Variants in FBH1 observed in about 807,000 individuals in gnomAD.
FBH1 encodes DNA 3'-5' helicase 1.
Under a neutral mutation model 115.5 loss-of-function variants are expected in FBH1, and 43 were observed. The ratio of observed to expected loss-of-function variants is 0.37; its 90% CI spans 0.29 to 0.48. FBH1 has a LOEUF of 0.48. Ranked by LOEUF, FBH1 falls within the 20% of genes least tolerant of loss-of-function variation. The probability of loss-of-function intolerance (pLI) is 0.99; values close to 1 mark genes in which losing one functional copy is unlikely to be tolerated. For missense variants in FBH1, 1,001 were observed against 1,337.3 expected, an observed-to-expected ratio of 0.75 and a Z score of 3.92; for synonymous variants, 524 against 507.8, an observed-to-expected ratio of 1.03 and a Z score of -0.43.
intron 1 of FBH1, among the ~76,000 whole-genome samples, chr10:5,901,650 C>T (rs542417342): frequency 1.5e-4 from 22 of 151,350 alleles, no homozygotes; most frequent in East Asian, 3.9e-4. Flanking sequence ...CTACAACCTC[C>T]GCCTCCCGGG....
Position 5,894,184 on chromosome 10 carries a change from T to C in FBH1, c.1+3838T>C, listed in dbSNP as rs868264643. 10 of 985,324 alleles carry C rather than the reference T, an allele frequency of 1.0e-5. No individual in the cohort carries two copies. The African/African-American group carries it at 1.7e-4, about 17-fold the overall frequency. 61.0% of individuals were successfully genotyped at this position (985,324 alleles called of 1,614,324 possible). ...CCTGGGAAAGGAGCTGGAGCTCTAT[T>C]TTGCTTGCTTTCTGCATTCGTTTCT... On this transcript the variant is annotated intron_variant, in intron 1 of 20. Coordinates refer to ENST00000362091, the MANE Select transcript of FBH1 (RefSeq NM_178150.3).
In FBH1 at chr10:5,909,600, A is replaced by G. The variant is rs593610; in HGVS notation, c.1020+306A>G. 0.38 allele frequency: 116,275 copies of G among 309,214 alleles called. 25,395 individuals are homozygous for G. Among genetic ancestry groups the G allele is most frequent in the East Asian group, 0.73 (12,375 of 17,038 alleles). The allele number at this position is 309,214 out of a possible 1,614,324, so 19.2% of individuals were successfully genotyped here. ...CTAGCCTCTGAACACTTTTAATAAT[A>G]GGATTTCTTTACAAGACAGCCCACC... is the stretch of plus-strand genomic sequence containing the variant. On this transcript the variant is annotated intron_variant, in intron 5 of 20. Coordinates refer to ENST00000362091, the MANE Select transcript of FBH1 (RefSeq NM_178150.3). The surrounding 1 kb of genome is among the most constrained non-coding windows in gnomAD (Gnocchi z 4.4).
At position 5,936,294 on chromosome 10, in the gene FBH1, G is replaced by GAA; in HGVS notation, c.2830-159_2830-158dup. On this transcript the variant is annotated intron_variant, in intron 19 of 20. Coordinates refer to ENST00000362091, the MANE Select transcript of FBH1 (RefSeq NM_178150.3). This position sits in a 1 kb window ranked among gnomAD's most constrained non-coding sequence, Gnocchi z 5.6. Reference sequence around the variant, plus strand: ...GACTGTCGATAGCTTTGGAGGCAGGGAAAAGTTAGAGGAAGTAAGGGAGAA... The same window carrying GAA: ...GACTGTCGATAGCTTTGGAGGCAGGGAAAAAAGTTAGAGGAAGTAAGGGAGAA... 1 of 651,442 alleles carries GAA rather than the reference G, an allele frequency of 1.5e-6. No individual in the cohort carries two copies. Among genetic ancestry groups the GAA allele is most frequent in the Non-Finnish European group, 2.5e-6 (1 of 395,994 alleles). 40.4% of individuals were successfully genotyped at this position (651,442 alleles called of 1,614,324 possible).
rs1297487556 is a variant in FBH1 at position 5,897,834 on chromosome 10, CA to C, written c.2-5183del. On this transcript the variant is annotated intron_variant, in intron 1 of 20. Coordinates refer to ENST00000362091, the MANE Select transcript of FBH1 (RefSeq NM_178150.3). This position sits in a 1 kb window ranked among gnomAD's most constrained non-coding sequence, Gnocchi z 4.7. ...CTCCTGTGTCTTTGTTAGATTTCTG[CA>C]AACACTTAATCTTCGCAACAAGCAT... 6.6e-6 allele frequency among the ~76,000 whole-genome samples: 1 copy of C among 152,352 alleles called. No homozygotes were observed. Among genetic ancestry groups the C allele is most frequent in the Admixed American group, 6.5e-5 (1 of 15,308 alleles).
rs1315450412 is a variant in FBH1, at chr10:5,915,767, A to T, written c.1565+196A>T. On this transcript the variant is annotated intron_variant, in intron 9 of 20. Transcript: ENST00000362091. This position sits in a 1 kb window ranked among gnomAD's most constrained non-coding sequence, Gnocchi z 5.2. ...TATCCTGTAGCAACATATTGTTTAC[A>T]TATAATGCCGTCTTGCCAAGAGGGG... 8.5e-6 allele frequency: 5 copies of T among 586,910 alleles called. No individual in the cohort carries two copies. The highest frequency in any genetic ancestry group is 7.5e-5 in the African/African-American group (4 of 53,600). 36.4% of individuals were successfully genotyped at this position (586,910 alleles called of 1,614,324 possible).
intron 3 of FBH1, among the ~76,000 whole-genome samples, chr10:5,908,594 C>T (rs1843868611): frequency 6.6e-6 from 1 of 151,136 alleles, no homozygotes; most frequent in Non-Finnish European, 1.5e-5. Flanking sequence ...GCTTAATCTG[C>T]TTTTTTTCTT....
rs553498845 is a variant in FBH1 at position 5,926,516 on chromosome 10, G to A, written c.2723-919G>A. On this transcript the variant is annotated intron_variant, in intron 18 of 20. Coordinates refer to ENST00000362091, the MANE Select transcript of FBH1 (RefSeq NM_178150.3). Reference sequence around the variant, plus strand: ...TGGTTTTAAATCTTAGAATAAAACTGTTTGAAATTTCTGTACAAACAAACA... The same window carrying A: ...TGGTTTTAAATCTTAGAATAAAACTATTTGAAATTTCTGTACAAACAAACA... 2.0e-5 allele frequency among the ~76,000 whole-genome samples: 3 copies of A among 152,316 alleles called. No homozygotes were observed. The East Asian group carries it at 5.8e-4, about 29-fold the overall frequency.
Position 5,911,011 on chromosome 10 carries a change from T to C in FBH1, c.1094T>C (p.Leu365Pro). ...SSSVNDIQRL[L>P]FCLRRPSSTV... ...AGTGTGAATGACATCCAGCGACTGC[T>C]CTTCTGCCTCCGGAGACCCAGCTCC... Residue 365 changes from leucine to proline, a missense_variant, in exon 6 of 21, where the codon CTC becomes CCC. Physicochemically the swap from Leu to Pro is moderately conservative, Grantham distance 98. This residue lies in a region of FBH1 where 59 missense variants were observed against 79.7 expected (regional missense o/e 0.74). Coordinates refer to ENST00000362091, the MANE Select transcript of FBH1 (RefSeq NM_178150.3). The surrounding 1 kb of genome is among the most constrained non-coding windows in gnomAD (Gnocchi z 5.4). The C allele has an allele frequency of 6.2e-7, 1 of 1,612,850 alleles. No individual in the cohort carries two copies. The highest frequency in any genetic ancestry group is 8.5e-7 in the Non-Finnish European group (1 of 1,180,016).
chr10:5,915,802 G>T lies in FBH1; in HGVS notation c.1565+231G>T. The stretch of plus-strand genomic sequence containing the variant: ...GTCTTGCCAAGAGGGGTGTTCTCAT[G>T]GAAGTGAGGCACAGAAAGTCAAAAT... On this transcript the variant is annotated intron_variant, in intron 9 of 20. Coordinates refer to ENST00000362091, the MANE Select transcript of FBH1 (RefSeq NM_178150.3). The surrounding 1 kb of genome is among the most constrained non-coding windows in gnomAD (Gnocchi z 5.2). The T allele has an allele frequency of 1.8e-6, 1 of 542,294 alleles. No individual in the cohort carries two copies. Among genetic ancestry groups the T allele is most frequent in the Non-Finnish European group, 3.3e-6 (1 of 304,706 alleles). The allele number at this position is 542,294 out of a possible 1,614,324, so 33.6% of individuals were successfully genotyped here. A position where few individuals can be genotyped will look rare whatever the true frequency, so the allele number is the denominator to read the frequency against.
At position 5,914,397 on chromosome 10, in the gene FBH1, C is replaced by T. The variant is rs547713349; in HGVS notation, c.1396+128C>T. The T allele has an allele frequency of 1.3e-6, 1 of 766,264 alleles. No homozygotes were observed. The highest frequency in any genetic ancestry group is 2.6e-5 in the East Asian group (1 of 38,098). 47.5% of individuals were successfully genotyped at this position (766,264 alleles called of 1,614,324 possible). On this transcript the variant is annotated intron_variant, in intron 8 of 20. Transcript: ENST00000362091. This position sits in a 1 kb window ranked among gnomAD's most constrained non-coding sequence, Gnocchi z 5.2. ...TCCAACTAATAATTCAATAACAGAT[C>T]AAATAATCAATCTCAAAAGCAATTG...
rs1245184864 is a variant in FBH1 at position 5,925,344 on chromosome 10, C to T, written c.2597-23C>T. 15 of 1,612,958 alleles carry T rather than the reference C, an allele frequency of 9.3e-6. No individual in the cohort carries two copies. The highest frequency in any genetic ancestry group is 2.2e-5 in the East Asian group (1 of 44,834). On this transcript the variant is annotated intron_variant, in intron 17 of 20. Transcript: ENST00000362091. This position sits in a 1 kb window ranked among gnomAD's most constrained non-coding sequence, Gnocchi z 4.6. ...TCTTTCCCTTTGAAGCACCATCTAA[C>T]GTGTGCTGTGTTTTTATCCTAGAGT...
Position 5,936,676 on chromosome 10 carries a change from A to G in FBH1, c.2961+89A>G, listed in dbSNP as rs1833381478. 5 of 1,518,036 alleles carry G rather than the reference A, an allele frequency of 3.3e-6. No individual in the cohort carries two copies. The highest frequency in any genetic ancestry group is 4.5e-6 in the Non-Finnish European group (5 of 1,103,952). The allele number at this position is 1,518,036 out of a possible 1,614,324, so 94.0% of individuals were successfully genotyped here. On this transcript the variant is annotated intron_variant, in intron 20 of 20. Transcript: ENST00000362091. This position sits in a 1 kb window ranked among gnomAD's most constrained non-coding sequence, Gnocchi z 5.6. ...TTATCTGGGTTGTAGGTGAGGAGATAAGAGAGAGCTGTGTGATCCTTTATT... is the reference window on the plus strand; with the variant it reads ...TTATCTGGGTTGTAGGTGAGGAGATGAGAGAGAGCTGTGTGATCCTTTATT...
chr10:5,926,119 C>CTTATTATTA (rs1832637347), intron 18 of FBH1, among the ~76,000 whole-genome samples: 2 of 103,696 alleles, frequency 1.9e-5, no homozygotes, highest in African/African-American at 5.5e-5. Flanking sequence ...TCTTATTCTT[C>CTTATTATTA]TTATTATTAT....
rs1417738783 is a variant in FBH1 at position 5,925,674 on chromosome 10, T to C, written c.2722+182T>C. Among the ~76,000 whole-genome samples the C allele has an allele frequency of 6.6e-6, 1 of 152,176 alleles. No individual in the cohort carries two copies. Among genetic ancestry groups the C allele is most frequent in the Non-Finnish European group, 1.5e-5 (1 of 68,032 alleles). On this transcript the variant is annotated intron_variant, in intron 18 of 20. Transcript: ENST00000362091. This position sits in a 1 kb window ranked among gnomAD's most constrained non-coding sequence, Gnocchi z 4.6. ...TTTTGATTCTTATACTGTGGTTTTT[T>C]AAAAAACAAAACTTCCTCAAGGTGC...
chr10:5,923,497 G>T lies in FBH1; in HGVS notation c.2323-124G>T, dbSNP rs1286153259. The stretch of plus-strand genomic sequence containing the variant: ...GGTGTCACTCAAGATCCATTTCCAA[G>T]AAACCATCTCATTTCAAAACCCCAT... On this transcript the variant is annotated intron_variant, in intron 15 of 20. Coordinates refer to ENST00000362091, the MANE Select transcript of FBH1 (RefSeq NM_178150.3). This position sits in a 1 kb window ranked among gnomAD's most constrained non-coding sequence, Gnocchi z 5.7. 1.5e-5 allele frequency: 11 copies of T among 730,404 alleles called. No homozygotes were observed. The highest frequency in any genetic ancestry group is 2.4e-5 in the Non-Finnish European group (11 of 450,290). 45.2% of individuals were successfully genotyped at this position (730,404 alleles called of 1,614,324 possible).
In FBH1 at chr10:5,937,303, A is replaced by G. The variant is rs766757660; in HGVS notation, c.*23A>G. ...TGAGGACAAGGCGCACGTTCTCCGC[A>G]GTGCAGAGCAGCTTGCCGAGGACCC... On this transcript the variant is annotated 3_prime_UTR_variant, in exon 21 of 21. Transcript: ENST00000362091. 7.9e-6 allele frequency: 12 copies of G among 1,519,622 alleles called. No individual in the cohort carries two copies. The Admixed American group carries it at 2.0e-4, about 26-fold the overall frequency. 94.1% of individuals were successfully genotyped at this position (1,519,622 alleles called of 1,614,324 possible). A position where few individuals can be genotyped will look rare whatever the true frequency, so the allele number is the denominator to read the frequency against.
intron 1 of FBH1, among the ~76,000 whole-genome samples, chr10:5,899,392 T>C (rs1843203160): frequency 6.6e-6 from 1 of 152,244 alleles, no homozygotes; most frequent in Non-Finnish European, 1.5e-5. Flanking sequence ...TGGCAGTAGA[T>C]GTTCACCTCC....
rs1832596860 is a variant in FBH1 at position 5,925,590 on chromosome 10, G to GCCTCCTGGTGTGA, written c.2722+107_2722+108insGTGACCTCCTGGT. ...GCCTTGTTGTTTGTTGGATGGTGTGGCCTCCTGGTAGGGCACTTCTGGAAA... is the reference window on the plus strand; with the variant it reads ...GCCTTGTTGTTTGTTGGATGGTGTGGCCTCCTGGTGTGACCTCCTGGTAGGGCACTTCTGGAAA... On this transcript the variant is annotated intron_variant, in intron 18 of 20. Coordinates refer to ENST00000362091, the MANE Select transcript of FBH1 (RefSeq NM_178150.3). This position sits in a 1 kb window ranked among gnomAD's most constrained non-coding sequence, Gnocchi z 4.6. The GCCTCCTGGTGTGA allele has an allele frequency of 1.3e-6, 2 of 1,526,844 alleles. No individual in the cohort carries two copies. The highest frequency in any genetic ancestry group is 1.4e-5 in the African/African-American group (1 of 72,468). The allele number at this position is 1,526,844 out of a possible 1,614,324, so 94.6% of individuals were successfully genotyped here.
At position 5,916,453 on chromosome 10, in the gene FBH1, A is replaced by G; in HGVS notation, c.1785A>G (p.Lys595=). The change falls in exon 10 of 21, where the codon AAA becomes AAG. Residue 595 remains lysine, a synonymous_variant. Coordinates refer to ENST00000362091, the MANE Select transcript of FBH1 (RefSeq NM_178150.3). ...GQRVMVEQSE[K]LNGVLEASRL... Reference sequence around the variant, plus strand: ...GAGTCATGGTTGAGCAGAGTGAAAAACTGGTGAGTGTCTAAGTGTCTGAAG... The same window carrying G: ...GAGTCATGGTTGAGCAGAGTGAAAAGCTGGTGAGTGTCTAAGTGTCTGAAG... 6.2e-7 allele frequency: 1 copy of G among 1,611,516 alleles called. No homozygotes were observed. The highest frequency in any genetic ancestry group is 8.5e-7 in the Non-Finnish European group (1 of 1,178,780).
Sources: allele counts gnomAD v4.1 joint callset (sites outside exome capture counted in the v4.1 genomes callset), GRCh38; gene constraint gnomAD v4.1.1; regional missense constraint gnomAD v4.1.1; non-coding constraint Gnocchi (gnomAD v3.1); transcripts MANE v1.5; gene names NCBI Gene and HGNC (gene_info 2026-07-23, HGNC 2026-07-21).